KIF26B: variants seen among roughly 807,000 people sequenced by gnomAD.
The protein encoded by KIF26B is kinesin family member 26B.
In KIF26B, 63 loss-of-function variants were observed where a neutral mutation model predicts 151.2. The ratio of observed to expected loss-of-function variants is 0.42; its 90% CI spans 0.34 to 0.51. The LOEUF is 0.51. Among genes scored for constraint, KIF26B ranks in the 20% least tolerant of loss-of-function variants. The pLI is 0.07. For synonymous variants in KIF26B, 1,357 were observed against 1,262.1 expected (o/e 1.08, Z -1.59); for missense variants, 2,813 against 2,913.6 (o/e 0.97, Z 0.79).
chr1:245,372,074 G>A (rs1417833601), intron 3 of KIF26B, among the ~76,000 whole-genome samples: 1 of 152,114 alleles, frequency 6.6e-6, no homozygotes, highest in Admixed American at 6.5e-5. Context: ...TCTGTGGCCT[G>A]TTAAGGAGCC....
intron 4 of KIF26B, among the ~76,000 whole-genome samples, chr1:245,487,853 A>C (rs1233310371): frequency 1.3e-5 from 2 of 150,366 alleles, no homozygotes; most frequent in Non-Finnish European, 2.9e-5. Context: ...CAGTGGCGCG[A>C]TATCGGCTCA....
chr1:245,498,448 A>T (rs1270437616), intron 4 of KIF26B, among the ~76,000 whole-genome samples: 1 of 152,172 alleles, frequency 6.6e-6, no homozygotes, highest in Non-Finnish European at 1.5e-5. Flanking sequence ...AGAGCTTATG[A>T]ACATAGCTGA....
At chr1:245,384,975 A>G (rs1673507157) in intron 3 of KIF26B, among the ~76,000 whole-genome samples, 1 of 152,172 alleles carries the variant, frequency 6.6e-6, no homozygotes, top group African/African-American at 2.4e-5. Context: ...CTATTAAATT[A>G]CAGCATCACC....
chr1:245,249,394 C>T (rs1326859474), intron 2 of KIF26B, among the ~76,000 whole-genome samples: 1 of 152,128 alleles, frequency 6.6e-6, no homozygotes, highest in Non-Finnish European at 1.5e-5. Flanking sequence ...GCACCGCGCC[C>T]AGCCACAAGA....
At position 245,313,570 on chromosome 1, in the gene KIF26B, A is replaced by G. The variant is rs574288338; in HGVS notation, c.466-53264A>G. ...ATACTGGTGACCACTAGCCATGAGCACCACATGGTCTGCAGGTCTGAGCGG... is the reference window on the plus strand; with the variant it reads ...ATACTGGTGACCACTAGCCATGAGCGCCACATGGTCTGCAGGTCTGAGCGG... On this transcript the variant is annotated intron_variant, in intron 2 of 14. Transcript: ENST00000407071. Among the ~76,000 whole-genome samples, 14 of 152,318 alleles carry G rather than the reference A, an allele frequency of 9.2e-5. No individual in the cohort carries two copies. The South Asian group carries it at 2.5e-3, about 27-fold the overall frequency.
intron 3 of KIF26B, among the ~76,000 whole-genome samples, chr1:245,380,108 ATTAG>A (rs1464743122): frequency 2.0e-5 from 3 of 152,080 alleles, no homozygotes; most frequent in East Asian, 3.9e-4. Flanking sequence ...ATTTGTGAGG[ATTAG>A]TTAATGAGTC....
At chr1:245,525,330 G>A (rs796273746) in intron 4 of KIF26B, among the ~76,000 whole-genome samples, 11 of 152,194 alleles carry the variant, frequency 7.2e-5, no homozygotes, top group South Asian at 6.2e-4. Flanking sequence ...AGTCAGTCAC[G>A]TATTAGGAGT....
intron 4 of KIF26B, among the ~76,000 whole-genome samples, chr1:245,447,542 G>A (rs1659274829): frequency 6.6e-6 from 1 of 152,092 alleles, no homozygotes. Flanking sequence ...TATCAAAGAG[G>A]CCAGCAGGAA....
At chr1:245,161,699 G>T (rs1425166424) in intron 2 of KIF26B, among the ~76,000 whole-genome samples, 1 of 151,970 alleles carries the variant, frequency 6.6e-6, no homozygotes, top group Non-Finnish European at 1.5e-5. Flanking sequence ...TTTTACCCTG[G>T]AATTCCAAGT....
chr1:245,354,562 G>A (rs1672641588), intron 2 of KIF26B, among the ~76,000 whole-genome samples: 1 of 152,238 alleles, frequency 6.6e-6, no homozygotes, highest in African/African-American at 2.4e-5. Context: ...AGATGGCGGG[G>A]GAGTTGGAGG....
chr1:245,685,299 C>CAGT, intron 11 of KIF26B, 106 bp from the exon 12 acceptor site: 3 of 965,560 alleles, frequency 3.1e-6, no homozygotes, highest in Non-Finnish European at 4.6e-6. Flanking sequence ...GGGTGGCTGT[C>CAGT]AGTAGCCTGT....
At position 245,437,110 on chromosome 1, in the gene KIF26B, C is replaced by T. The variant is rs186465357; in HGVS notation, c.1166+17365C>T. ...CCATGTTGCCCAGGCTGGTCTCAAA[C>T]TGATGGCCTCAAGTGATCTGCCAGC... On this transcript the variant is annotated intron_variant, in intron 4 of 14. Transcript: ENST00000407071. Among the ~76,000 whole-genome samples, 459 of 152,266 alleles carry T rather than the reference C, an allele frequency of 3.0e-3. 16 individuals are homozygous for T. Among genetic ancestry groups the T allele is most frequent in the Admixed American group, 0.029 (440 of 15,290 alleles).
chr1:245,283,721 T>C (rs1478365165), intron 2 of KIF26B, among the ~76,000 whole-genome samples: 2 of 147,286 alleles, frequency 1.4e-5, no homozygotes, highest in East Asian at 2.0e-4. Context: ...GGACTCTCAC[T>C]CTGTCGCCCA....
In KIF26B at chr1:245,540,505, A is replaced by G; in HGVS notation, c.1167-262A>G. 1.5e-6 allele frequency: 1 copy of G among 668,230 alleles called. No individual in the cohort carries two copies. Among genetic ancestry groups the G allele is most frequent in the South Asian group, 1.5e-5 (1 of 66,466 alleles). 41.4% of individuals were successfully genotyped at this position (668,230 alleles called of 1,614,324 possible). On this transcript the variant is annotated intron_variant, in intron 4 of 14. Transcript: ENST00000407071. This position sits in a 1 kb window ranked among gnomAD's most constrained non-coding sequence, Gnocchi z 4.6. The stretch of plus-strand genomic sequence containing the variant: ...TGCTTAAGCTGAATGTTGGTGGATA[A>G]CACATCATTCTTTGTAAATCGTGAT...
chr1:245,229,087 C>G (rs1400783209), intron 2 of KIF26B, among the ~76,000 whole-genome samples: 1 of 152,172 alleles, frequency 6.6e-6, no homozygotes, highest in Admixed American at 6.5e-5. Flanking sequence ...ATGTCTCAGC[C>G]TCCCTAGTAG....
chr1:245,288,823 TA>T (rs1465138041), intron 2 of KIF26B, among the ~76,000 whole-genome samples: 1 of 152,218 alleles, frequency 6.6e-6, no homozygotes, highest in East Asian at 1.9e-4. Flanking sequence ...TCTTTTTCCC[TA>T]AAAGACTTCA....
intron 2 of KIF26B, among the ~76,000 whole-genome samples, chr1:245,335,730 G>A (rs376569899): frequency 6.7e-6 from 1 of 148,586 alleles, no homozygotes; most frequent in Admixed American, 6.7e-5. Context: ...AGAGTCCCAC[G>A]AGGGGAAAGG....
chr1:245,633,631 G>A (rs1367712080), intron 9 of KIF26B, among the ~76,000 whole-genome samples: 1 of 151,662 alleles, frequency 6.6e-6, no homozygotes, highest in African/African-American at 2.4e-5. Flanking sequence ...CCTGTCTAGT[G>A]GTGGTGAATT....
At chr1:245,329,403 G>A (rs1035368508) in intron 2 of KIF26B, among the ~76,000 whole-genome samples, 6 of 152,326 alleles carry the variant, frequency 3.9e-5, no homozygotes, top group East Asian at 1.9e-4. Context: ...CATAAACACC[G>A]TGGCATTCCT....
Sources: allele counts gnomAD v4.1 joint callset (sites outside exome capture counted in the v4.1 genomes callset), GRCh38; gene constraint gnomAD v4.1.1; non-coding constraint Gnocchi (gnomAD v3.1); transcripts MANE v1.5; gene names NCBI Gene and HGNC (gene_info 2026-07-23, HGNC 2026-07-21).